The following SLC38A5 variants were observed in gnomAD, a reference collection of about 807,000 sequenced individuals.
The protein encoded by SLC38A5 is sodium-coupled neutral amino acid transporter 5.
SLC38A5 carries 9 observed loss-of-function variants against 34.6 expected under a neutral mutation model. The ratio of observed to expected loss-of-function variants is 0.26; its 90% CI spans 0.16 to 0.45. SLC38A5 has a LOEUF of 0.45. SLC38A5 is among the 20% of genes least tolerant of loss of function. The pLI is 1.00. For missense variants in SLC38A5, 253 were observed against 394.7 expected, an observed-to-expected ratio of 0.64 and a Z score of 3.04; for synonymous variants, 157 against 155.6, an observed-to-expected ratio of 1.01 and a Z score of -0.07.
intron 7 of SLC38A5, 53 bp from the exon 8 acceptor site, chrX:48,466,146 C>G: frequency 8.6e-7 from 1 of 1,157,226 alleles, no homozygotes; most frequent in Admixed American, 2.5e-5. Flanking sequence ...TGCCCCCACC[C>G]CGTCTTCCCC....
chrX:48,458,951 G>A lies in SLC38A5; in HGVS notation c.1401C>T (p.Ser467=), dbSNP rs1556961272. 8.4e-7 allele frequency: 1 copy of A among 1,187,128 alleles called. No homozygotes were observed. Among genetic ancestry groups the A allele is most frequent in the Non-Finnish European group, 1.1e-6 (1 of 882,084 alleles). ...FMFANWATGQ[S]RMSGH ...GGCCTGATCAGTGTCCAGACATGCG[G>A]CTCTGGCCTGTGGCCCAGTTGGCAA... is the stretch of plus-strand genomic sequence containing the variant. The change falls in exon 17 of 17, where the codon AGC becomes AGT. Residue 467 remains serine (S), a synonymous_variant. Transcript: ENST00000620913.
chrX:48,467,870 A>AC lies in SLC38A5; in HGVS notation c.53+1dup. ...GCCCACCTCCTTGGACCCCTGACTC[A>AC]CCCCACAGCATCCGAAGGGAGGGCT... On this transcript the variant is annotated splice_donor_variant, in intron 3 of 16. Transcript: ENST00000620913. LOFTEE classifies it high-confidence loss of function. 1 of 1,207,399 alleles carries AC rather than the reference A, an allele frequency of 8.3e-7. No homozygotes were observed.
At chrX:48,461,479 C>T (rs1306360642) in intron 12 of SLC38A5, among the ~76,000 whole-genome samples, 2 of 111,842 alleles carry the variant, frequency 1.8e-5, no homozygotes, top group African/African-American at 6.5e-5. Context: ...CTCTGCTTCC[C>T]AACTCTGTCC....
At chrX:48,461,356 A>G (rs2061432877) in intron 12 of SLC38A5, among the ~76,000 whole-genome samples, 1 of 110,301 alleles carries the variant, frequency 9.1e-6, no homozygotes, top group African/African-American at 3.3e-5. Context: ...CCTCTGTCTG[A>G]TCATCCACAC....
chrX:48,458,676 T>A lies in SLC38A5; in HGVS notation c.*257A>T. 1.0e-6 allele frequency: 1 copy of A among 975,644 alleles called. No individual in the cohort carries two copies. The allele number at this position is 975,644 out of a possible 1,213,427, so 80.4% of individuals were successfully genotyped here. A position where few individuals can be genotyped will look rare whatever the true frequency, so the allele number is the denominator to read the frequency against. ...GGACCTGGCCTCCTCCTCCTCCTCC[T>A]CCTCCTCCTCCTCCTCCTCTTCTTC... On this transcript the variant is annotated 3_prime_UTR_variant, in exon 17 of 17. Coordinates refer to ENST00000620913, the MANE Select transcript of SLC38A5 (RefSeq NM_033518.4).
At chrX:48,467,327 G>C (rs185696494) in intron 4 of SLC38A5, 1 of 426,017 alleles carries the variant, frequency 2.3e-6, no homozygotes, top group East Asian at 3.9e-5. Context: ...GGAGAGGACC[G>C]GGGGAGGGTG....
intron 11 of SLC38A5, 40 bp from the exon 12 acceptor site, chrX:48,461,837 G>A (rs1556961964): frequency 1.0e-5 from 12 of 1,179,581 alleles, no homozygotes; most frequent in South Asian, 3.8e-5. Context: ...GAGCCAACAG[G>A]GGTCCATCCC....
intron 8 of SLC38A5, 23 bp from the exon 9 acceptor site, chrX:48,463,003 T>C: frequency 8.9e-7 from 1 of 1,119,547 alleles, no homozygotes; most frequent in Non-Finnish European, 1.2e-6. Context: ...GAAGACACAG[T>C]GCCTAGCTGC....
intron 4 of SLC38A5, 72 bp downstream of exon 4, chrX:48,467,638 G>A (rs1556963829): frequency 9.6e-7 from 1 of 1,038,143 alleles, no homozygotes; most frequent in East Asian, 3.2e-5. Context: ...GAGGAGTGGG[G>A]AAGAGGGAGC....
chrX:48,467,949 G>A, intron 2 of SLC38A5, 24 bp from the exon 3 acceptor site: 3 of 1,192,604 alleles, frequency 2.5e-6, no homozygotes, highest in Middle Eastern at 2.3e-4. Context: ...AATGGGGTGG[G>A]GGGATCAGAG....
At position 48,469,365 on chromosome X, in the gene SLC38A5, A is replaced by G. The variant is rs2061499753; in HGVS notation, c.-32T>C. On this transcript the variant is annotated 5_prime_UTR_variant, in exon 2 of 17. Coordinates refer to ENST00000620913, the MANE Select transcript of SLC38A5 (RefSeq NM_033518.4). ...CCTCTCAGCTCCTGAAGTGGCCGCA[A>G]CTCAGACTCAGGTTCGGGCACCCTC... 9.2e-6 allele frequency: 1 copy of G among 108,895 alleles called. No individual in the cohort carries two copies. The highest frequency in any genetic ancestry group is 3.3e-5 in the African/African-American group (1 of 29,904). The allele number at this position is 108,895 out of a possible 1,213,427, so 9.0% of individuals were successfully genotyped here.
rs2147052485 is a variant in SLC38A5 at position 48,458,715 on chromosome X, T to A, written c.*218A>T. 2.0e-6 allele frequency: 2 copies of A among 986,973 alleles called. No individual in the cohort carries two copies. The highest frequency in any genetic ancestry group is 2.0e-5 in the African/African-American group (1 of 48,820). 81.3% of individuals were successfully genotyped at this position (986,973 alleles called of 1,213,427 possible). On this transcript the variant is annotated 3_prime_UTR_variant, in exon 17 of 17. Transcript: ENST00000620913. ...CTCCTCTTCTTCCTCCTCCTCCTCC[T>A]CCCATGGGGTTGGGGTTGGGATTAG...
At chrX:48,468,201 T>C (rs994684328) in intron 2 of SLC38A5, 4 of 1,020,692 alleles carry the variant, frequency 3.9e-6, no homozygotes, top group Non-Finnish European at 5.0e-6. Context: ...AGAGAAATAG[T>C]GGGGAAGAGA....
At chrX:48,459,073 C>G in intron 16 of SLC38A5, 39 bp from the exon 17 acceptor site, 1 of 1,139,622 alleles carries the variant, frequency 8.8e-7, no homozygotes, top group Non-Finnish European at 1.2e-6. Context: ...GGTTGGGACT[C>G]CTCACCCAGT....
intron 2 of SLC38A5, 105 bp from the exon 3 acceptor site, chrX:48,468,030 A>G (rs934098528): frequency 1.2e-5 from 10 of 831,415 alleles, no homozygotes; most frequent in Non-Finnish European, 1.7e-5. Context: ...AGACCGATGG[A>G]AAGACGGAGA....
chrX:48,467,578 T>C, intron 4 of SLC38A5, 132 bp downstream of exon 4: 1 of 593,694 alleles, frequency 1.7e-6, no homozygotes, highest in Non-Finnish European at 2.7e-6. Flanking sequence ...GACCAAGTAG[T>C]GTGTAGCTGT....
At chrX:48,462,438 C>T in intron 9 of SLC38A5, 147 bp from the exon 10 acceptor site, 1 of 539,173 alleles carries the variant, frequency 1.9e-6, no homozygotes. Context: ...AAAGCCCCAT[C>T]TCTACTAAAA....
At chrX:48,465,993 C>G in intron 8 of SLC38A5, 22 bp downstream of exon 8, 1 of 1,161,891 alleles carries the variant, frequency 8.6e-7, no homozygotes, top group South Asian at 2.0e-5. Flanking sequence ...TGCTGGCCAG[C>G]CAAGGGGTGT....
At chrX:48,468,436 C>T in intron 2 of SLC38A5, 1 of 760,258 alleles carries the variant, frequency 1.3e-6, no homozygotes, top group South Asian at 6.3e-5. Context: ...GCTGCCCCAC[C>T]CCTCCTAATG....
Sources: allele counts gnomAD v4.1 joint callset (sites outside exome capture counted in the v4.1 genomes callset), GRCh38; gene constraint gnomAD v4.1.1; transcripts MANE v1.5; gene names NCBI Gene and HGNC (gene_info 2026-07-23, HGNC 2026-07-21).